The following CFAP20DC variants were observed in gnomAD, a reference collection of about 807,000 sequenced individuals.
CFAP20DC encodes the protein protein CFAP20DC.
A neutral mutation model predicts 101.7 loss-of-function variants in CFAP20DC; 84 were observed. The observed-to-expected ratio is 0.83, with a 90% CI of 0.69 to 0.99. The LOEUF (loss-of-function observed/expected upper bound fraction) is 0.99. Ranked by LOEUF, CFAP20DC falls within the 50% of genes least tolerant of loss-of-function variation. The pLI, the probability that CFAP20DC is intolerant of heterozygous loss-of-function variation, is 0.00. For synonymous variants in CFAP20DC, 359 were observed against 351.2 expected (o/e 1.02, Z -0.25); for missense variants, 1,007 against 970.3 (o/e 1.04, Z -0.50).
intron 4 of CFAP20DC, among the ~76,000 whole-genome samples, chr3:59,035,563 A>G (rs988175532): frequency 6.6e-6 from 1 of 152,196 alleles, no homozygotes; most frequent in African/African-American, 2.4e-5. Flanking sequence ...TACTATAAAC[A>G]CTTCTATGCA....
chr3:58,846,580 C>G (rs1421923716), intron 13 of CFAP20DC, among the ~76,000 whole-genome samples: 101 of 149,722 alleles, frequency 6.7e-4, no homozygotes, highest in African/African-American at 2.3e-3. Flanking sequence ...GTGAAAATGG[C>G]CATACTGCCC....
intron 15 of CFAP20DC, among the ~76,000 whole-genome samples, chr3:58,770,488 A>G (rs1318962007): frequency 6.6e-6 from 1 of 152,210 alleles, no homozygotes; most frequent in African/African-American, 2.4e-5. Context: ...TCTTATAGTC[A>G]GGAGAATAGT....
At chr3:58,837,986 T>C (rs748639076) in intron 13 of CFAP20DC, among the ~76,000 whole-genome samples, 11 of 152,150 alleles carry the variant, frequency 7.2e-5, no homozygotes, top group Non-Finnish European at 1.3e-4. Flanking sequence ...TGAAAACTTG[T>C]TTCAGATTCT....
intron 5 of CFAP20DC, among the ~76,000 whole-genome samples, chr3:58,929,904 T>G (rs1288618578): frequency 6.6e-6 from 1 of 152,178 alleles, no homozygotes; most frequent in East Asian, 1.9e-4. Context: ...TTCTCCCTTG[T>G]TGGAACCTCC....
intron 4 of CFAP20DC, among the ~76,000 whole-genome samples, chr3:58,992,343 T>C (rs1189744420): frequency 6.6e-6 from 1 of 152,182 alleles, no homozygotes; most frequent in Non-Finnish European, 1.5e-5. Context: ...CATCCAAGTA[T>C]GTGATCACTG....
intron 4 of CFAP20DC, among the ~76,000 whole-genome samples, chr3:58,980,385 C>T (rs546254218): frequency 1.6e-4 from 24 of 152,072 alleles, no homozygotes; most frequent in African/African-American, 4.6e-4. Flanking sequence ...TACCAAAGGA[C>T]GGCAGAGACA....
At chr3:58,990,351 T>C (rs150951049) in intron 4 of CFAP20DC, among the ~76,000 whole-genome samples, 2 of 152,350 alleles carry the variant, frequency 1.3e-5, no homozygotes, top group Admixed American at 1.3e-4. Context: ...TGAGTTGTAG[T>C]TGGTTTTGTA....
chr3:58,931,794 CA>C (rs1455042600), intron 5 of CFAP20DC, among the ~76,000 whole-genome samples: 2 of 152,238 alleles, frequency 1.3e-5, no homozygotes, highest in Middle Eastern at 3.4e-3. Flanking sequence ...CATCAAAGAC[CA>C]AAAGTAGATA....
intron 7 of CFAP20DC, among the ~76,000 whole-genome samples, chr3:58,878,878 G>T (rs958594473): frequency 6.6e-6 from 1 of 152,014 alleles, no homozygotes; most frequent in African/African-American, 2.4e-5. Context: ...CGTGGTGGTG[G>T]GCACCTGTAG....
chr3:58,780,903 C>T (rs2071768429), intron 15 of CFAP20DC, among the ~76,000 whole-genome samples: 1 of 151,752 alleles, frequency 6.6e-6, no homozygotes, highest in Admixed American at 6.6e-5. Flanking sequence ...TTTAAAAAAC[C>T]CACTGGATTT....
intron 13 of CFAP20DC, among the ~76,000 whole-genome samples, chr3:58,842,834 T>C (rs2077260771): frequency 6.6e-6 from 1 of 152,160 alleles, no homozygotes; most frequent in Non-Finnish European, 1.5e-5. Flanking sequence ...GCAGACTGCC[T>C]CCTCAAGTGG....
chr3:58,848,898 C>G, intron 13 of CFAP20DC, 134 bp downstream of exon 13: 1 of 1,128,862 alleles, frequency 8.9e-7, no homozygotes, highest in Non-Finnish European at 1.2e-6. Flanking sequence ...TAAAACACAT[C>G]AGAACAGGAA....
rs1232790782 is a variant in CFAP20DC at position 58,831,668 on chromosome 3, G to A, written c.2175+18C>T. ...CCTTGTTAAGCAATGAGAGGAAGCTGCAAAGCCAGGGACTCACGGGTGGCA... is the reference window on the plus strand; with the variant it reads ...CCTTGTTAAGCAATGAGAGGAAGCTACAAAGCCAGGGACTCACGGGTGGCA... On this transcript the variant is annotated intron_variant, in intron 14 of 16. Coordinates refer to ENST00000482387, the MANE Select transcript of CFAP20DC (RefSeq NM_001394063.1). 6.2e-7 allele frequency: 1 copy of A among 1,610,630 alleles called. No individual in the cohort carries two copies. Among genetic ancestry groups the A allele is most frequent in the Non-Finnish European group, 8.5e-7 (1 of 1,177,536 alleles).
At chr3:58,807,751 T>C (rs966044316) in intron 14 of CFAP20DC, among the ~76,000 whole-genome samples, 6 of 152,134 alleles carry the variant, frequency 3.9e-5, no homozygotes, top group African/African-American at 1.4e-4. Flanking sequence ...AGGCTTCAGA[T>C]GATCAAACTA....
At position 58,897,300 on chromosome 3, in the gene CFAP20DC, C is replaced by T. The variant is rs1375756506; in HGVS notation, c.551-12591G>A. 6.6e-6 allele frequency among the ~76,000 whole-genome samples: 1 copy of T among 152,084 alleles called. No homozygotes were observed. Among genetic ancestry groups the T allele is most frequent in the South Asian group, 2.1e-4 (1 of 4,828 alleles). On this transcript the variant is annotated intron_variant, in intron 6 of 16. Transcript: ENST00000482387. This position sits in a 1 kb window ranked among gnomAD's most constrained non-coding sequence, Gnocchi z 4.4. ...TCTTTGCACATGAGATGGCAGCATA[C>T]CATGAATCTTGGCTCATTATCCAGC...
chr3:58,740,399 C>T (rs774018510), downstream of CFAP20DC, among the ~76,000 whole-genome samples: 7 of 152,116 alleles, frequency 4.6e-5, no homozygotes, highest in South Asian at 8.3e-4. The surrounding 1 kb of genome is among the most constrained non-coding windows in gnomAD (Gnocchi z 4.6). Flanking sequence ...TGAGCAGAGA[C>T]CTGAGGCAGA....
chr3:58,833,786 T>G (rs1051733743), intron 13 of CFAP20DC, among the ~76,000 whole-genome samples: 3 of 152,206 alleles, frequency 2.0e-5, no homozygotes, highest in Non-Finnish European at 4.4e-5. Context: ...CAAAGAAGCA[T>G]TATCCATAAT....
intron 4 of CFAP20DC, among the ~76,000 whole-genome samples, chr3:59,008,947 C>A (rs1240842532): frequency 6.6e-6 from 1 of 151,650 alleles, no homozygotes; most frequent in Admixed American, 6.6e-5. Flanking sequence ...CAAGAGATCC[C>A]TGCCATTATA....
intron 14 of CFAP20DC, among the ~76,000 whole-genome samples, chr3:58,830,569 G>A (rs1223814147): frequency 1.3e-5 from 2 of 152,098 alleles, no homozygotes; most frequent in Non-Finnish European, 2.9e-5. Context: ...AATATGAAAA[G>A]CAAGTCACAA....
Sources: gnomAD v4.1 joint callset for allele counts (sites outside exome capture counted in the v4.1 genomes callset) on GRCh38, gnomAD v4.1.1 for gene constraint, Gnocchi (gnomAD v3.1) non-coding constraint, MANE v1.5 for transcripts, NCBI Gene and HGNC (gene_info 2026-07-23, HGNC 2026-07-21) for gene names.